Variants in SERPINF1 observed in about 807,000 individuals in gnomAD.
The protein encoded by SERPINF1 is pigment epithelium-derived factor.
SERPINF1 carries 29 observed loss-of-function variants against 37.3 expected under a neutral mutation model. The observed-to-expected ratio is 0.78, with a 90% CI of 0.58 to 1.06. SERPINF1 has a LOEUF of 1.06. SERPINF1 is among the 50% of genes least tolerant of loss of function. The pLI is 0.00. For synonymous variants in SERPINF1, 281 were observed against 227.9 expected (o/e 1.23, Z -2.10); for missense variants, 553 against 532.2 (o/e 1.04, Z -0.38).
chr17:1,765,940 A>G (rs1907343977), intron 1 of SERPINF1, among the ~76,000 whole-genome samples: 1 of 151,326 alleles, frequency 6.6e-6, no homozygotes, highest in Non-Finnish European at 1.5e-5. Context: ...ACTCCTAACC[A>G]TGGGAGGAAG....
chr17:1,770,432 C>T lies in SERPINF1; in HGVS notation c.283+382C>T, dbSNP rs975900164. 18 of 346,402 alleles carry T rather than the reference C, an allele frequency of 5.2e-5. 1 individual carries two copies. Among genetic ancestry groups the T allele is most frequent in the African/African-American group, 1.9e-4 (9 of 47,682 alleles). 21.5% of individuals were successfully genotyped at this position (346,402 alleles called of 1,614,324 possible). ...AGCTGGGTTCACAGGGGAACTAATA[C>T]CAGCTCACTACAGAATAGTCTTTTT... is the stretch of plus-strand genomic sequence containing the variant. On this transcript the variant is annotated intron_variant, in intron 3 of 7. Transcript: ENST00000254722.
At chr17:1,763,456 G>A (rs1242660201) in intron 1 of SERPINF1, among the ~76,000 whole-genome samples, 2 of 152,218 alleles carry the variant, frequency 1.3e-5, no homozygotes, top group African/African-American at 4.8e-5. Flanking sequence ...CGAGAGCGGG[G>A]CTTGGATACT....
Position 1,771,150 on chromosome 17 carries a change from C to T in SERPINF1, c.405C>T (p.Asn135=), listed in dbSNP as rs1167789562. 3 of 1,613,944 alleles carry T rather than the reference C, an allele frequency of 1.9e-6. No individual in the cohort carries two copies. Among genetic ancestry groups the T allele is most frequent in the Admixed American group, 3.3e-5 (2 of 59,970 alleles). The change falls in exon 4 of 8, where the codon AAC becomes AAT. Residue 135 remains asparagine, a synonymous_variant. Coordinates refer to ENST00000254722, the MANE Select transcript of SERPINF1 (RefSeq NM_002615.7). ...ACACGGTCACTGCCCCCCAGAAGAACCTCAAGAGTGCCTCCCGGATCGTCT... is the reference window on the plus strand; with the variant it reads ...ACACGGTCACTGCCCCCCAGAAGAATCTCAAGAGTGCCTCCCGGATCGTCT... The part of the protein sequence containing the change: ...LLDTVTAPQK[N]LKSASRIVFE...
intron 1 of SERPINF1, among the ~76,000 whole-genome samples, chr17:1,763,470 C>T (rs1907206562): frequency 6.6e-6 from 1 of 152,196 alleles, no homozygotes; most frequent in East Asian, 1.9e-4. Flanking sequence ...GGATACTGCC[C>T]TTTGGACAGG....
chr17:1,766,440 C>T (rs987243980), intron 1 of SERPINF1: 3 of 152,128 alleles, frequency 2.0e-5, no homozygotes, highest in Non-Finnish European at 4.4e-5. Context: ...CCTGTAATTC[C>T]AGCTACTTGG....
intron 5 of SERPINF1, among the ~76,000 whole-genome samples, chr17:1,772,385 G>A (rs1299150306): frequency 6.6e-6 from 1 of 151,984 alleles, no homozygotes; most frequent in African/African-American, 2.4e-5. Flanking sequence ...CAAAGTGCTA[G>A]GATTACAAGC....
chr17:1,764,025 CAT>C (rs938808343), intron 1 of SERPINF1, among the ~76,000 whole-genome samples: 3 of 152,170 alleles, frequency 2.0e-5, no homozygotes, highest in Admixed American at 6.5e-5. Flanking sequence ...TCTACTAAAA[CAT>C]AAAAATTAAC....
rs1907190590 is a variant in SERPINF1, at chr17:1,763,236, A to AG, written c.-9+1128dup. ...CTGAAGGCTGTGCGGTTCTGGGAAG[A>AG]GGGGGAGGTGGCGGTGGAGGCTGTT... On this transcript the variant is annotated intron_variant, in intron 1 of 7. Coordinates refer to ENST00000254722, the MANE Select transcript of SERPINF1 (RefSeq NM_002615.7). Among the ~76,000 whole-genome samples the AG allele has an allele frequency of 2.6e-5, 4 of 152,108 alleles. No individual in the cohort carries two copies. In the South Asian group the frequency reaches 8.3e-4, roughly 31 times the overall value.
In SERPINF1 at chr17:1,776,733, C is replaced by T; in HGVS notation, c.988C>T (p.Gln330Ter). The change falls in exon 7 of 8, where the codon CAG becomes TAG. Residue 330 changes from glutamine to a stop codon, truncating the protein, a stop_gained. Coordinates refer to ENST00000254722, the MANE Select transcript of SERPINF1 (RefSeq NM_002615.7). LOFTEE classifies it high-confidence loss of function. ...SYEGEVTKSL[Q>*]EMKLQSLFDS... ...TGAAGGCGAAGTCACCAAGTCCCTG[C>T]AGGAGATGAGTATGTCTGAAGACCC... The T allele has an allele frequency of 6.2e-7, 1 of 1,612,930 alleles. No homozygotes were observed. Among genetic ancestry groups the T allele is most frequent in the East Asian group, 2.2e-5 (1 of 44,784 alleles).
At chr17:1,766,461 C>T (rs12051737) in intron 1 of SERPINF1, 43,244 of 151,704 alleles carry the variant, frequency 0.29, 7,092 homozygotes, top group Non-Finnish European at 0.38. Context: ...GAGGCTGAGG[C>T]GGGAGAATCG....
chr17:1,773,640 T>C (rs763158237), intron 5 of SERPINF1, among the ~76,000 whole-genome samples: 5 of 152,258 alleles, frequency 3.3e-5, no homozygotes, highest in Non-Finnish European at 5.9e-5. Flanking sequence ...TTCTCACCTT[T>C]AACGTGAGGA....
intron 3 of SERPINF1, 22 bp downstream of exon 3, chr17:1,770,072 G>A (rs1018111055): frequency 6.2e-7 from 1 of 1,613,386 alleles, no homozygotes; most frequent in African/African-American, 1.3e-5. Context: ...GATGCAGGAA[G>A]CCCCAGGCAG....
rs768284337 is a variant in SERPINF1, at chr17:1,770,027, C to T, written c.260C>T (p.Thr87Met). 54 of 1,614,000 alleles carry T rather than the reference C, an allele frequency of 3.3e-5. No homozygotes were observed. Among genetic ancestry groups the T allele is most frequent in the East Asian group, 4.5e-5 (2 of 44,894 alleles). Residue 87 changes from threonine (T) to methionine (M), a missense_variant, in exon 3 of 8, where the codon ACG becomes ATG. Thr to Met is a moderately conservative substitution (Grantham distance 81, BLOSUM62 -1). Transcript: ENST00000254722. ...CTCCTGTCTCCTCTCAGTGTGGCCA[C>T]GGCCCTCTCGGCCCTCTCGCTGGGT... is the stretch of plus-strand genomic sequence containing the variant. ...NVLLSPLSVATALSALSLGAE... is the reference protein window; with the variant it reads ...NVLLSPLSVAMALSALSLGAE...
intron 7 of SERPINF1, 106 bp downstream of exon 7, chr17:1,776,848 G>T: frequency 9.5e-7 from 1 of 1,057,938 alleles, no homozygotes; most frequent in Non-Finnish European, 1.4e-6. Flanking sequence ...AGGCTTGTAG[G>T]GGGGCCGTGG....
At chr17:1,776,256 C>T (rs1471906398) in intron 6 of SERPINF1, among the ~76,000 whole-genome samples, 1 of 152,194 alleles carries the variant, frequency 6.6e-6, no homozygotes, top group Non-Finnish European at 1.5e-5. Context: ...AATTCTAGCT[C>T]CTTAAACCAC....
chr17:1,776,385 G>T, intron 6 of SERPINF1, 147 bp from the exon 7 acceptor site: 1 of 759,790 alleles, frequency 1.3e-6, no homozygotes, highest in East Asian at 2.6e-5. Flanking sequence ...GCTATAACCT[G>T]GAAGGGGAAT....
chr17:1,769,938 T>C lies in SERPINF1; in HGVS notation c.171T>C (p.Ala57=). Residue 57 remains alanine, a synonymous_variant, in exon 3 of 8, where the codon GCT becomes GCC. Transcript: ENST00000254722. ...FKVPVNKLAA[A]VSNFGYDLYR... is the part of the protein sequence containing the mutation. ...TCCCCGTGAACAAGCTGGCAGCGGC[T>C]GTCTCCAACTTCGGCTATGACCTGT... 6.2e-7 allele frequency: 1 copy of C among 1,614,200 alleles called. No homozygotes were observed. The highest frequency in any genetic ancestry group is 8.5e-7 in the Non-Finnish European group (1 of 1,180,010).
intron 2 of SERPINF1, 29 bp downstream of exon 2, chr17:1,767,023 C>A: frequency 1.3e-6 from 2 of 1,525,814 alleles, no homozygotes; most frequent in South Asian, 2.4e-5. Context: ...AGGGCGTGGT[C>A]AGCATTCCCC....
At chr17:1,776,884 A>G in intron 7 of SERPINF1, 142 bp downstream of exon 7, 9 of 824,634 alleles carry the variant, frequency 1.1e-5, no homozygotes, top group Non-Finnish European at 1.2e-5. Context: ...TCATCGTGCC[A>G]GAAGGGAAGG....
Sources: gnomAD v4.1 joint callset for allele counts (sites outside exome capture counted in the v4.1 genomes callset) on GRCh38, gnomAD v4.1.1 for gene constraint, MANE v1.5 for transcripts, NCBI Gene and HGNC (gene_info 2026-07-23, HGNC 2026-07-21) for gene names.